NR1D2: variants seen among roughly 807,000 people sequenced by gnomAD.
The protein encoded by NR1D2 is nuclear receptor subfamily 1 group D member 2, also known as V-erbA-related protein 1-related.
A neutral mutation model predicts 52.2 loss-of-function variants in NR1D2; 25 were observed. The ratio of observed to expected loss-of-function variants is 0.48; its 90% CI spans 0.35 to 0.67. NR1D2 has a LOEUF of 0.67. Ranked by LOEUF, NR1D2 falls within the 30% of genes least tolerant of loss-of-function variation. The pLI is 0.01. For synonymous variants in NR1D2, 259 were observed against 230.1 expected (o/e 1.13, Z -1.14); for missense variants, 681 against 707.2 (o/e 0.96, Z 0.42).
At chr3:23,956,449 CAAG>C (rs1244868292) in intron 3 of NR1D2, among the ~76,000 whole-genome samples, 1 of 152,032 alleles carries the variant, frequency 6.6e-6, no homozygotes, top group African/African-American at 2.4e-5. Context: ...AGTGAAATAA[CAAG>C]GAACAAAACA....
At chr3:23,946,137 G>C (rs1212392813) in intron 1 of NR1D2, 2 of 985,056 alleles carry the variant, frequency 2.0e-6, no homozygotes, top group Admixed American at 6.1e-5. Context: ...TCCCCCGCGG[G>C]GTTGCACACT....
chr3:23,946,175 C>G, intron 1 of NR1D2: 1 of 985,280 alleles, frequency 1.0e-6, no homozygotes, highest in Non-Finnish European at 1.2e-6. Context: ...TGCGCGCCCG[C>G]TGAGCCCCCG....
chr3:23,973,335 G>T (rs953440404), intron 7 of NR1D2, among the ~76,000 whole-genome samples: 2 of 152,180 alleles, frequency 1.3e-5, no homozygotes, highest in Admixed American at 1.3e-4. Flanking sequence ...CTACACACCT[G>T]GGTTTTATGG....
intron 7 of NR1D2, 79 bp from the exon 8 acceptor site, chr3:23,977,141 CTGA>C: frequency 1.3e-6 from 1 of 796,566 alleles, no homozygotes; most frequent in East Asian, 3.0e-5. Context: ...GTTAGTGACA[CTGA>C]TAAGCAAGAA....
intron 5 of NR1D2, 74 bp downstream of exon 5, chr3:23,962,679 T>A (rs1706316365): frequency 7.1e-7 from 1 of 1,413,962 alleles, no homozygotes; most frequent in African/African-American, 1.4e-5. Flanking sequence ...TCGGGAGATA[T>A]GCTAACTTGG....
chr3:23,965,023 G>A lies in NR1D2; in HGVS notation c.1193G>A (p.Gly398Glu), dbSNP rs1452958627. 6.2e-7 allele frequency: 1 copy of A among 1,613,794 alleles called. No individual in the cohort carries two copies. The highest frequency in any genetic ancestry group is 1.6e-4 in the Middle Eastern group (1 of 6,062). ...CCATATGTGGATCCTCATAAATCAG[G>A]ACATGAAATCTGGGAAGAATTTTCG... Reference protein sequence around the residue: ...KSPYVDPHKSGHEIWEEFSMS... With the variant: ...KSPYVDPHKSEHEIWEEFSMS... The change falls in exon 6 of 8, where the codon GGA becomes GAA. Residue 398 changes from glycine to glutamate, a missense_variant. This residue lies in a region of NR1D2 where 475 missense variants were observed against 454.5 expected (regional missense o/e 1.05). Transcript: ENST00000312521.
chr3:23,974,088 C>CTTT (rs60587118), intron 7 of NR1D2, among the ~76,000 whole-genome samples: 847 of 79,492 alleles, frequency 0.011, 167 homozygotes, highest in South Asian at 0.025. Context: ...TTACAGTTAC[C>CTTT]TTTTTTTTTT....
chr3:23,968,594 G>T (rs1475274397), intron 7 of NR1D2, among the ~76,000 whole-genome samples: 1 of 152,184 alleles, frequency 6.6e-6, no homozygotes, highest in Non-Finnish European at 1.5e-5. Flanking sequence ...GTGGTGTCTG[G>T]CATAGAAGAG....
At chr3:23,965,516 G>A (rs1367588981) in intron 6 of NR1D2, among the ~76,000 whole-genome samples, 2 of 151,210 alleles carry the variant, frequency 1.3e-5, no homozygotes, top group East Asian at 3.9e-4. Context: ...CTAAAGTGCT[G>A]GGATTACAGG....
At chr3:23,976,155 G>A (rs1235857830) in intron 7 of NR1D2, among the ~76,000 whole-genome samples, 1 of 152,224 alleles carries the variant, frequency 6.6e-6, no homozygotes, top group Non-Finnish European at 1.5e-5. Flanking sequence ...TATGCCAAAT[G>A]ACTGGTTTAT....
At position 23,962,525 on chromosome 3, in the gene NR1D2, G is replaced by C. The variant is rs138475457; in HGVS notation, c.1066G>C (p.Asp356His). 1 of 1,613,974 alleles carries C rather than the reference G, an allele frequency of 6.2e-7. No homozygotes were observed. The highest frequency in any genetic ancestry group is 1.3e-5 in the African/African-American group (1 of 74,938). ...FSNAYTQRVC[D>H]RVPIDGFSQN... ...CAATGCTTATACTCAAAGAGTATGTGATAGAGTTCCGATAGATGGATTTTC... is the reference window on the plus strand; with the variant it reads ...CAATGCTTATACTCAAAGAGTATGTCATAGAGTTCCGATAGATGGATTTTC... Residue 356 changes from aspartate (D) to histidine (H), a missense_variant, in exon 5 of 8, where the codon GAT becomes CAT. Asp to His is a moderately conservative substitution (Grantham distance 81). This residue lies in a region of NR1D2 where 475 missense variants were observed against 454.5 expected (regional missense o/e 1.05). Coordinates refer to ENST00000312521, the MANE Select transcript of NR1D2 (RefSeq NM_005126.5).
intron 1 of NR1D2, among the ~76,000 whole-genome samples, chr3:23,945,833 C>T (rs1045371185): frequency 1.7e-4 from 26 of 150,886 alleles, no homozygotes; most frequent in Admixed American, 1.1e-3. Flanking sequence ...CGGCCCCCCC[C>T]TCACATGGCC....
chr3:23,976,530 G>C (rs1345516174), intron 7 of NR1D2, among the ~76,000 whole-genome samples: 1 of 152,230 alleles, frequency 6.6e-6, no homozygotes, highest in Non-Finnish European at 1.5e-5. Context: ...GAGCACCTCA[G>C]TTGCTTGCTG....
chr3:23,953,144 C>G (rs1329413898), intron 1 of NR1D2, among the ~76,000 whole-genome samples: 1 of 151,354 alleles, frequency 6.6e-6, no homozygotes, highest in Non-Finnish European at 1.5e-5. Context: ...CGAGACCAGT[C>G]TGACCAACAT....
chr3:23,946,137 G>A (rs1212392813), intron 1 of NR1D2: 4 of 985,056 alleles, frequency 4.1e-6, no homozygotes, highest in Admixed American at 6.1e-5. Flanking sequence ...TCCCCCGCGG[G>A]GTTGCACACT....
At position 23,965,006 on chromosome 3, in the gene NR1D2, G is replaced by A. The variant is rs72628104; in HGVS notation, c.1176G>A (p.Val392=). Reference sequence around the variant, plus strand: ...GTCCAATGAGTAAGTCTCCATATGTGGATCCTCATAAATCAGGACATGAAA... The same window carrying A: ...GTCCAATGAGTAAGTCTCCATATGTAGATCCTCATAAATCAGGACATGAAA... ...LVCPMSKSPY[V]DPHKSGHEIW... The change falls in exon 6 of 8, where the codon GTG becomes GTA. Residue 392 remains valine, a synonymous_variant. Transcript: ENST00000312521. 3.9e-3 allele frequency: 6,235 copies of A among 1,613,116 alleles called. 157 individuals carry two copies. In the East Asian group the frequency reaches 0.042, roughly 11 times the overall value.
At chr3:23,961,277 G>T (rs1706235386) in intron 4 of NR1D2, among the ~76,000 whole-genome samples, 1 of 151,774 alleles carries the variant, frequency 6.6e-6, no homozygotes, top group Non-Finnish European at 1.5e-5. Context: ...AATCACACAT[G>T]CCTTGCTGGG....
intron 7 of NR1D2, among the ~76,000 whole-genome samples, chr3:23,972,636 A>G (rs896470318): frequency 3.3e-5 from 5 of 152,174 alleles, no homozygotes; most frequent in Non-Finnish European, 7.4e-5. Flanking sequence ...AATAAATAGA[A>G]TATTTGGTGA....
Position 23,956,094 on chromosome 3 carries a change from A to C in NR1D2, c.341A>C (p.His114Pro). The change falls in exon 3 of 8, where the codon CAC becomes CCC. Residue 114 changes from histidine (H) to proline (P), a missense_variant. Coordinates refer to ENST00000312521, the MANE Select transcript of NR1D2 (RefSeq NM_005126.5). Reference protein sequence around the residue: ...KVCGDVASGFHYGVHACEGCK... With the variant: ...KVCGDVASGFPYGVHACEGCK... ...TGTGGGGATGTGGCGTCAGGATTCCACTATGGAGTTCATGCTTGCGAAGGC... is the reference window on the plus strand; with the variant it reads ...TGTGGGGATGTGGCGTCAGGATTCCCCTATGGAGTTCATGCTTGCGAAGGC... 1.2e-6 allele frequency: 2 copies of C among 1,613,972 alleles called. No homozygotes were observed. Among genetic ancestry groups the C allele is most frequent in the Non-Finnish European group, 1.7e-6 (2 of 1,179,890 alleles).
Sources: gnomAD v4.1 joint callset for allele counts (sites outside exome capture counted in the v4.1 genomes callset) on GRCh38, gnomAD v4.1.1 for gene constraint, gnomAD v4.1.1 regional missense constraint, MANE v1.5 for transcripts, NCBI Gene and HGNC (gene_info 2026-07-23, HGNC 2026-07-21) for gene names.